The following MMP11 variants were observed in gnomAD, a reference collection of about 807,000 sequenced individuals.
The protein encoded by MMP11 is stromelysin-3.
In MMP11, 26 loss-of-function variants were observed where a neutral mutation model predicts 49.5. That is an observed-to-expected ratio of 0.52 (90% CI 0.38 to 0.73). The LOEUF is 0.73. Among genes scored for constraint, MMP11 ranks in the 30% least tolerant of loss-of-function variants. The pLI, the probability that MMP11 is intolerant of heterozygous loss-of-function variation, is 0.00. For synonymous variants in MMP11, 265 were observed against 282.3 expected (o/e 0.94, Z 0.62); for missense variants, 624 against 671.2 (o/e 0.93, Z 0.78).
Position 23,781,919 on chromosome 22 carries a change from G to C in MMP11, c.1076-307G>C, listed in dbSNP as rs28382568. 4.0e-4 allele frequency: 264 copies of C among 665,030 alleles called. 2 individuals carry two copies. The African/African-American group carries it at 4.3e-3, about 11-fold the overall frequency. 41.2% of individuals were successfully genotyped at this position (665,030 alleles called of 1,614,324 possible). On this transcript the variant is annotated intron_variant, in intron 6 of 7. Transcript: ENST00000215743. ...GGGCAGTCCAGCCTGCAGGGGCCCAGGGAGTGGTCAGTAGGCATTTGTCAC... is the reference window on the plus strand; with the variant it reads ...GGGCAGTCCAGCCTGCAGGGGCCCACGGAGTGGTCAGTAGGCATTTGTCAC...
In MMP11 at chr22:23,783,603, G is replaced by A. The variant is rs540655345; in HGVS notation, c.*59G>A. The A allele has an allele frequency of 1.0e-5, 16 of 1,602,936 alleles. No individual in the cohort carries two copies. Among genetic ancestry groups the A allele is most frequent in the Non-Finnish European group, 1.4e-5 (16 of 1,171,624 alleles). On this transcript the variant is annotated 3_prime_UTR_variant, in exon 8 of 8. Transcript: ENST00000215743. ...CTGCCAGGCCACGAATATCAGGCTA[G>A]AGACCCATGGCCATCTTTGTGGCTG...
At chr22:23,778,296 C>G (rs1014634390) in intron 1 of MMP11, among the ~76,000 whole-genome samples, 1 of 152,254 alleles carries the variant, frequency 6.6e-6, no homozygotes, top group Non-Finnish European at 1.5e-5. Context: ...TTCTCATGCA[C>G]AAGAACTGTA....
At chr22:23,774,537 C>G (rs984093534) in intron 1 of MMP11, among the ~76,000 whole-genome samples, 28 of 152,160 alleles carry the variant, frequency 1.8e-4, no homozygotes, top group African/African-American at 6.3e-4. Flanking sequence ...ACGAAGCTAC[C>G]GTCCCTCCTG....
Position 23,781,346 on chromosome 22 carries a change from G to T in MMP11, c.1012G>T (p.Gly338Ter). ...AGCATTGGCCTCTCGCCACTGGCAG[G>T]GACTGCCCAGCCCTGTGGACGCTGC... The part of the protein sequence containing the change: ...YPALASRHWQ[G>*]LPSPVDAAFE... The change falls in exon 6 of 8, where the codon GGA becomes TGA. Residue 338 changes from glycine to a stop codon, truncating the protein, a stop_gained. Transcript: ENST00000215743. LOFTEE classifies it high-confidence loss of function. 1 of 1,613,440 alleles carries T rather than the reference G, an allele frequency of 6.2e-7. No individual in the cohort carries two copies. Among genetic ancestry groups the T allele is most frequent in the Non-Finnish European group, 8.5e-7 (1 of 1,179,882 alleles).
Position 23,776,000 on chromosome 22 carries a change from TAG to T in MMP11, c.108+3025_108+3026del, listed in dbSNP as rs1927398562. On this transcript the variant is annotated intron_variant, in intron 1 of 7. Transcript: ENST00000215743. ...GGCTAAGAGAGGAAGGTGACTTGTC[TAG>T]AGTCTCCATGTCATAGAACTAGGCC... Among the ~76,000 whole-genome samples, 3 of 152,336 alleles carry T rather than the reference TAG, an allele frequency of 2.0e-5. No individual in the cohort carries two copies. The South Asian group carries it at 6.2e-4, about 32-fold the overall frequency.
chr22:23,781,393 C>T lies in MMP11; in HGVS notation c.1059C>T (p.His353=). Residue 353 remains histidine, a synonymous_variant, in exon 6 of 8, where the codon CAC becomes CAT. Coordinates refer to ENST00000215743, the MANE Select transcript of MMP11 (RefSeq NM_005940.5). ...CTGCCTTCGAGGATGCCCAGGGCCA[C>T]ATTTGGTTCTTCCAAGGTGAGTGGG... ...VDAAFEDAQG[H]IWFFQGAQYW... The T allele has an allele frequency of 6.2e-7, 1 of 1,606,018 alleles. No individual in the cohort carries two copies. Among genetic ancestry groups the T allele is most frequent in the South Asian group, 1.1e-5 (1 of 90,226 alleles).
chr22:23,781,812 G>A, intron 6 of MMP11: 1 of 584,292 alleles, frequency 1.7e-6, no homozygotes, highest in Non-Finnish European at 3.3e-6. Flanking sequence ...TCCTCAACTG[G>A]CAGAGATGAG....
At chr22:23,783,066 C>G (rs1184303763) in intron 7 of MMP11, among the ~76,000 whole-genome samples, 1 of 152,152 alleles carries the variant, frequency 6.6e-6, no homozygotes, top group Non-Finnish European at 1.5e-5. Context: ...GGGTGCCCGT[C>G]AATAGCCTGG....
chr22:23,772,977 CG>C lies in MMP11; in HGVS notation c.108+1del. On this transcript the variant is annotated frameshift_variant and splice_region_variant, in exon 1 of 8. Coordinates refer to ENST00000215743, the MANE Select transcript of MMP11 (RefSeq NM_005940.5). LOFTEE classifies it high-confidence loss of function. ...PPPLLARALP[P>X]DAHHLHAERR... ...CCGCTGCTGGCCCGGGCTCTGCCGC[CG>C]GTGAGTGCCCGCCACTCGCCGGCCG... is the stretch of plus-strand genomic sequence containing the variant. The C allele has an allele frequency of 4.2e-6, 5 of 1,201,346 alleles. No individual in the cohort carries two copies. Among genetic ancestry groups the C allele is most frequent in the Non-Finnish European group, 5.2e-6 (5 of 965,920 alleles). 74.4% of individuals were successfully genotyped at this position (1,201,346 alleles called of 1,614,324 possible).
rs907670161 is a variant in MMP11, at chr22:23,783,526, T to C, written c.1449T>C (p.Pro483=). Residue 483 remains proline (P), a synonymous_variant, in exon 8 of 8, where the codon CCT becomes CCC. Coordinates refer to ENST00000215743, the MANE Select transcript of MMP11 (RefSeq NM_005940.5). ...CTGACTTCTTTGGCTGTGCCGAGCC[T>C]GCCAACACTTTCCTCTGACCATGGC... is the stretch of plus-strand genomic sequence containing the variant. ...VGPDFFGCAE[P]ANTFL The C allele has an allele frequency of 1.2e-6, 2 of 1,614,084 alleles. No individual in the cohort carries two copies. The highest frequency in any genetic ancestry group is 1.7e-6 in the Non-Finnish European group (2 of 1,180,020).
chr22:23,778,790 G>T (rs1352452357), intron 1 of MMP11, among the ~76,000 whole-genome samples: 3 of 152,220 alleles, frequency 2.0e-5, no homozygotes. Flanking sequence ...AAGGGAGTTG[G>T]AAGCAAGTTT....
At position 23,781,020 on chromosome 22, in the gene MMP11, C is replaced by G. The variant is rs778931445; in HGVS notation, c.778C>G (p.Pro260Ala). 6.2e-7 allele frequency: 1 copy of G among 1,612,608 alleles called. No homozygotes were observed. The highest frequency in any genetic ancestry group is 8.5e-7 in the Non-Finnish European group (1 of 1,180,004). Reference sequence around the variant, plus strand: ...GGGCGTTCAACACCTATATGGCCAGCCCTGGCCCACTGTCACCTCCAGGAC... The same window carrying G: ...GGGCGTTCAACACCTATATGGCCAGGCCTGGCCCACTGTCACCTCCAGGAC... ...CRGVQHLYGQ[P>A]WPTVTSRTPA... The change falls in exon 5 of 8, where the codon CCC becomes GCC. Residue 260 changes from proline (P) to alanine (A), a missense_variant. Physicochemically the swap from Pro to Ala is conservative, Grantham distance 27. Transcript: ENST00000215743.
chr22:23,782,378 C>T lies in MMP11; in HGVS notation c.1228C>T (p.Arg410Cys), dbSNP rs1477633466. 6.2e-6 allele frequency: 10 copies of T among 1,613,982 alleles called. No homozygotes were observed. The highest frequency in any genetic ancestry group is 1.3e-5 in the African/African-American group (1 of 75,026). Residue 410 changes from arginine to cysteine, a missense_variant, in exon 7 of 8, where the codon CGT (arginine) becomes TGT (cysteine). Transcript: ENST00000215743. ...CTTCTTCCGAGGCAGGGACTACTGG[C>T]GTTTCCACCCCAGCACCCGGCGTGT... is the stretch of plus-strand genomic sequence containing the variant. ...IYFFRGRDYW[R>C]FHPSTRRVDS...
intron 2 of MMP11, chr22:23,779,668 CATGCCTG>C: frequency 1.8e-6 from 1 of 558,910 alleles, no homozygotes; most frequent in South Asian, 2.4e-5. Flanking sequence ...AGTCGCAGCA[CATGCCTG>C]CGGACGGGTG....
chr22:23,780,727 G>T lies in MMP11; in HGVS notation c.616+12G>T. 3.9e-6 allele frequency: 6 copies of T among 1,547,256 alleles called. No individual in the cohort carries two copies. The highest frequency in any genetic ancestry group is 5.2e-6 in the Non-Finnish European group (6 of 1,149,828). ...CGGGGATGACCAGGGTATGGGCTGGGGACCCATTTTCCAGATGGGGCAACC... is the reference window on the plus strand; with the variant it reads ...CGGGGATGACCAGGGTATGGGCTGGTGACCCATTTTCCAGATGGGGCAACC... On this transcript the variant is annotated intron_variant, in intron 4 of 7. Transcript: ENST00000215743. The surrounding 1 kb of genome is among the most constrained non-coding windows in gnomAD (Gnocchi z 4.6).
At chr22:23,776,667 G>C (rs748740788) in intron 1 of MMP11, among the ~76,000 whole-genome samples, 1 of 152,198 alleles carries the variant, frequency 6.6e-6, no homozygotes, top group Non-Finnish European at 1.5e-5. Flanking sequence ...GTCTGATCAA[G>C]CTGCTTAACT....
At chr22:23,776,221 G>A (rs1927404830) in intron 1 of MMP11, among the ~76,000 whole-genome samples, 1 of 26,014 alleles carries the variant, frequency 3.8e-5, no homozygotes. Context: ...AGAGATTTCT[G>A]ACCATGGGCA....
In MMP11 at chr22:23,772,854, C is replaced by T; in HGVS notation, c.-17C>T. On this transcript the variant is annotated 5_prime_UTR_variant, in exon 1 of 8. Transcript: ENST00000215743. Reference sequence around the variant, plus strand: ...GCGGCCCGGAGCGGCCCAGCAAGCCCAGCAGCCCCGGGGCGGATGGCTCCG... The same window carrying T: ...GCGGCCCGGAGCGGCCCAGCAAGCCTAGCAGCCCCGGGGCGGATGGCTCCG... 2.6e-6 allele frequency: 3 copies of T among 1,149,868 alleles called. No individual in the cohort carries two copies. Among genetic ancestry groups the T allele is most frequent in the Non-Finnish European group, 3.2e-6 (3 of 935,428 alleles). The allele number at this position is 1,149,868 out of a possible 1,614,324, so 71.2% of individuals were successfully genotyped here.
At chr22:23,777,070 G>C (rs1927435848) in intron 1 of MMP11, among the ~76,000 whole-genome samples, 1 of 149,684 alleles carries the variant, frequency 6.7e-6, no homozygotes, top group Non-Finnish European at 1.5e-5. Context: ...GCCTCCCAAA[G>C]TGCTGGGATT....
Sources: gnomAD v4.1 joint callset for allele counts (sites outside exome capture counted in the v4.1 genomes callset) on GRCh38, gnomAD v4.1.1 for gene constraint, Gnocchi (gnomAD v3.1) non-coding constraint, MANE v1.5 for transcripts, NCBI Gene and HGNC (gene_info 2026-07-23, HGNC 2026-07-21) for gene names.